Variants in INSC observed in about 807,000 individuals in gnomAD.
The protein encoded by INSC is protein inscuteable homolog.
Under a neutral mutation model 58.6 loss-of-function variants are expected in INSC, and 67 were observed. The ratio of observed to expected loss-of-function variants is 1.14; its 90% confidence interval spans 0.94 to 1.40. The LOEUF (loss-of-function observed/expected upper bound fraction) is 1.40, where lower values mean the gene tolerates loss of function less well. Ranked by LOEUF, INSC falls within the 40% of genes most tolerant of loss-of-function variation. The probability of loss-of-function intolerance (pLI) is 0.00; values close to 1 mark genes in which losing one functional copy is unlikely to be tolerated. For synonymous variants in INSC, 262 were observed against 276.1 expected, an observed-to-expected ratio of 0.95 and a Z score of 0.51; for missense variants, 714 against 692.0, an observed-to-expected ratio of 1.03 and a Z score of -0.36.
At chr11:15,207,540 G>A (rs1057235957) in intron 7 of INSC, among the ~76,000 whole-genome samples, 3 of 152,022 alleles carry the variant, frequency 2.0e-5, no homozygotes, top group African/African-American at 7.2e-5. Flanking sequence ...GAATCAATAG[G>A]CCCTGACAGC....
intron 5 of INSC, among the ~76,000 whole-genome samples, chr11:15,186,076 C>T (rs1409493311): frequency 6.6e-6 from 1 of 152,112 alleles, no homozygotes; most frequent in African/African-American, 2.4e-5. Context: ...ATTTGGTTTC[C>T]ACACTTGCTG....
intron 2 of INSC, among the ~76,000 whole-genome samples, chr11:15,174,246 T>G (rs1423558383): frequency 6.6e-6 from 1 of 152,202 alleles, no homozygotes; most frequent in Non-Finnish European, 1.5e-5. Flanking sequence ...TCCTTCGTCG[T>G]GTGCTTCAAG....
rs1852570476 is a variant in INSC, at chr11:15,246,508, T to C, written c.*468T>C. The C allele has an allele frequency of 6.7e-6, 1 of 149,566 alleles. No homozygotes were observed. The highest frequency in any genetic ancestry group is 2.4e-5 in the African/African-American group (1 of 41,096). The allele number at this position is 149,566 out of a possible 1,614,324, so 9.3% of individuals were successfully genotyped here. On this transcript the variant is annotated 3_prime_UTR_variant, in exon 13 of 13. Transcript: ENST00000379556. The stretch of plus-strand genomic sequence containing the variant: ...AAGAAGTTTCTTTTTCTTTAATAAA[T>C]GGAATCATATAAAATGTATCCCGGA...
At chr11:15,256,098 C>T in the INSC span, among the ~76,000 whole-genome samples, 1 of 152,136 alleles carries the variant, frequency 6.6e-6, no homozygotes, top group African/African-American at 2.4e-5. Context: ...ATGGGAGTCC[C>T]ACTACATATG....
the INSC span, among the ~76,000 whole-genome samples, chr11:15,256,557 T>C: frequency 6.6e-6 from 1 of 151,858 alleles, no homozygotes; most frequent in African/African-American, 2.4e-5. Context: ...TGGCAAGATC[T>C]TGGCTCACCG....
intron 1 of INSC, among the ~76,000 whole-genome samples, chr11:15,125,458 C>A (rs553812886): frequency 6.6e-6 from 1 of 152,130 alleles, no homozygotes. Context: ...TAGATTGTTA[C>A]TGGGAGGAGA....
At chr11:15,215,433 C>G (rs1851177411) in intron 7 of INSC, among the ~76,000 whole-genome samples, 1 of 152,202 alleles carries the variant, frequency 6.6e-6, no homozygotes, top group Non-Finnish European at 1.5e-5. Flanking sequence ...GGGAACTAAG[C>G]TGAGCATCCC....
chr11:15,201,377 G>C (rs560949865), intron 7 of INSC, among the ~76,000 whole-genome samples: 5 of 152,310 alleles, frequency 3.3e-5, no homozygotes, highest in Admixed American at 3.3e-4. Context: ...GGGTGTCTGG[G>C]AAAGCAGGTG....
chr11:15,168,592 T>C (rs1849283089), intron 2 of INSC, among the ~76,000 whole-genome samples: 1 of 152,202 alleles, frequency 6.6e-6, no homozygotes, highest in African/African-American at 2.4e-5. Context: ...TTTTGTGCCA[T>C]GCAGTGTGCT....
chr11:15,142,589 C>A (rs1045330804), intron 1 of INSC, among the ~76,000 whole-genome samples: 1 of 152,082 alleles, frequency 6.6e-6, no homozygotes, highest in Non-Finnish European at 1.5e-5. Context: ...GTGACATTCC[C>A]TTGGTTACCT....
intron 1 of INSC, among the ~76,000 whole-genome samples, chr11:15,143,641 G>C (rs1333078855): frequency 6.6e-6 from 1 of 152,152 alleles, no homozygotes; most frequent in Non-Finnish European, 1.5e-5. Context: ...CACCCTGGTG[G>C]TTGTGTGGGG....
downstream of INSC, among the ~76,000 whole-genome samples, chr11:15,251,027 T>G (rs2133994745): frequency 6.6e-6 from 1 of 152,334 alleles, no homozygotes; most frequent in African/African-American, 2.4e-5. Context: ...GTAAGAACAG[T>G]GAGCTTTGTA....
At chr11:15,169,673 C>G (rs931756764) in intron 2 of INSC, among the ~76,000 whole-genome samples, 1 of 152,012 alleles carries the variant, frequency 6.6e-6, no homozygotes, top group Non-Finnish European at 1.5e-5. Flanking sequence ...TCCCGAGTAG[C>G]TGGGATTACA....
At chr11:15,170,712 G>GC (rs1311794036) in intron 2 of INSC, among the ~76,000 whole-genome samples, 3 of 152,048 alleles carry the variant, frequency 2.0e-5, no homozygotes, top group Non-Finnish European at 4.4e-5. Flanking sequence ...CCATGCTCAA[G>GC]CTCCTCCACC....
At chr11:15,112,725 C>T (rs1847599095), upstream of INSC, among the ~76,000 whole-genome samples, 1 of 151,832 alleles carries the variant, frequency 6.6e-6, no homozygotes, top group African/African-American at 2.4e-5. Context: ...CCCTGAAACC[C>T]AGACACAGAG....
chr11:15,261,598 A>G, the INSC span, among the ~76,000 whole-genome samples: 45 of 152,200 alleles, frequency 3.0e-4, no homozygotes, highest in Non-Finnish European at 5.4e-4. Flanking sequence ...GGTGGTAACT[A>G]CTAAGTGGAA....
At chr11:15,251,519 G>A (rs1215925624), downstream of INSC, among the ~76,000 whole-genome samples, 2 of 152,190 alleles carry the variant, frequency 1.3e-5, no homozygotes, top group Non-Finnish European at 2.9e-5. Context: ...CTGATAAGGG[G>A]TTGATATCAG....
chr11:15,192,414 C>T lies in INSC; in HGVS notation c.693+1600C>T, dbSNP rs138601768. The stretch of plus-strand genomic sequence containing the variant: ...GTATTCTTCTTTATTGCTTTCCAGA[C>T]ACGCTCCCACCTGTGGTGTCTAAAA... On this transcript the variant is annotated intron_variant, in intron 6 of 12. Transcript: ENST00000379556. 1.9e-3 allele frequency among the ~76,000 whole-genome samples: 294 copies of T among 152,358 alleles called. 2 individuals are homozygous for T. Among genetic ancestry groups the T allele is most frequent in the African/African-American group, 6.4e-3 (267 of 41,578 alleles).
At chr11:15,204,458 T>G (rs537773707) in intron 7 of INSC, among the ~76,000 whole-genome samples, 2 of 152,336 alleles carry the variant, frequency 1.3e-5, no homozygotes, top group East Asian at 3.9e-4. Context: ...GAGACACCCA[T>G]GAGGTCCTTA....
Sources: allele counts gnomAD v4.1 joint callset (sites outside exome capture counted in the v4.1 genomes callset), GRCh38; gene constraint gnomAD v4.1.1; transcripts MANE v1.5; gene names NCBI Gene and HGNC (gene_info 2026-07-23, HGNC 2026-07-21).